Variants in OC90 observed in about 807,000 individuals in gnomAD.
The protein encoded by OC90 is otoconin 90.
A neutral mutation model predicts 47.3 loss-of-function variants in OC90; 46 were observed. The ratio of observed to expected loss-of-function variants is 0.97; its 90% CI spans 0.77 to 1.24. OC90 has a LOEUF of 1.24. Among genes scored for constraint, OC90 ranks in the 50% most tolerant of loss-of-function variants. The pLI is 0.00. For missense variants in OC90, 688 were observed against 583.9 expected, an observed-to-expected ratio of 1.18 and a Z score of -1.84; for synonymous variants, 271 against 219.5, an observed-to-expected ratio of 1.23 and a Z score of -2.07.
intron 9 of OC90, 27 bp downstream of exon 9, chr8:132,037,411 G>A (rs1822984721): frequency 6.4e-7 from 1 of 1,564,880 alleles, no homozygotes; most frequent in Non-Finnish European, 8.7e-7. Context: ...GTGTCTTTGG[G>A]TTCCACACTA....
chr8:132,041,751 G>A, intron 4 of OC90, 52 bp from the exon 5 acceptor site: 1 of 1,148,024 alleles, frequency 8.7e-7, no homozygotes, highest in East Asian at 2.4e-5. Flanking sequence ...AGGACTAGGA[G>A]GGCGTCCCTG....
At position 132,034,837 on chromosome 8, in the gene OC90, G is replaced by A. The variant is rs768486160; in HGVS notation, c.680-3C>T. On this transcript the variant is annotated splice_polypyrimidine_tract_variant and splice_region_variant and intron_variant, in intron 9 of 13. Coordinates refer to ENST00000254627, the MANE Select transcript of OC90 (RefSeq NM_001080399.3). Reference sequence around the variant, plus strand: ...TCCTTCCTGATCGTGGCCTGCTTCTGTTCCCCAAAGAAGAGAGACAGCATG... The same window carrying A: ...TCCTTCCTGATCGTGGCCTGCTTCTATTCCCCAAAGAAGAGAGACAGCATG... 1.2e-6 allele frequency: 2 copies of A among 1,611,638 alleles called. No homozygotes were observed. The highest frequency in any genetic ancestry group is 1.7e-5 in the Admixed American group (1 of 59,926).
chr8:132,048,689 A>G (rs940517630), intron 2 of OC90, among the ~76,000 whole-genome samples: 3 of 151,516 alleles, frequency 2.0e-5, no homozygotes, highest in Admixed American at 2.0e-4. Context: ...TTTTATCTGG[A>G]AAGTCTTAAG....
intron 1 of OC90, among the ~76,000 whole-genome samples, chr8:132,059,054 C>T (rs1338107496): frequency 1.3e-5 from 2 of 150,412 alleles, no homozygotes; most frequent in Admixed American, 6.8e-5. Context: ...CCCTCTCTCC[C>T]TCCCTCCCTT....
intron 2 of OC90, among the ~76,000 whole-genome samples, chr8:132,048,410 T>C (rs1211880615): frequency 0.01 from 1,549 of 149,948 alleles, 67 homozygotes; most frequent in African/African-American, 0.037. Flanking sequence ...TTTGGGATGG[T>C]TGGAGTATGG....
At chr8:132,025,121 G>A (rs1822737339) in intron 13 of OC90, among the ~76,000 whole-genome samples, 1 of 152,186 alleles carries the variant, frequency 6.6e-6, no homozygotes, top group African/African-American at 2.4e-5. Context: ...CAGGTTATGT[G>A]TTAATCACAT....
rs1822901342 is a variant in OC90, at chr8:132,033,100, A to G, written c.798T>C (p.Ile266=). Residue 266 remains isoleucine (I), a synonymous_variant, in exon 11 of 14, where the codon ATT becomes ATC. Coordinates refer to ENST00000254627, the MANE Select transcript of OC90 (RefSeq NM_001080399.3). The stretch of plus-strand genomic sequence containing the variant: ...ATGACACTGCCAGCCCCAGAGATTT[A>G]ATGCCAGCAGGGACAAGGGTTACAA... ...AKIVTLVPAG[I]KSLGLAVSSV... 2 of 1,609,926 alleles carry G rather than the reference A, an allele frequency of 1.2e-6. No homozygotes were observed. Among genetic ancestry groups the G allele is most frequent in the East Asian group, 4.5e-5 (2 of 44,784 alleles).
chr8:132,052,348 A>G (rs895519677), intron 2 of OC90, among the ~76,000 whole-genome samples: 1 of 152,220 alleles, frequency 6.6e-6, no homozygotes, highest in Non-Finnish European at 1.5e-5. Flanking sequence ...GAAATTAATC[A>G]GCGTAATAAC....
At chr8:132,028,114 CTGCTCG>C (rs1259126095) in intron 13 of OC90, among the ~76,000 whole-genome samples, 1 of 152,154 alleles carries the variant, frequency 6.6e-6, no homozygotes, top group Non-Finnish European at 1.5e-5. Context: ...TAGTCCCAGC[CTGCTCG>C]TCACCGGCCC....
At chr8:132,039,211 TCCCC>T in intron 6 of OC90, 88 bp from the exon 7 acceptor site, 1 of 1,410,428 alleles carries the variant, frequency 7.1e-7, no homozygotes, top group Admixed American at 2.0e-5. Flanking sequence ...GTTCCTCATC[TCCCC>T]TGCCAAAAAT....
intron 8 of OC90, among the ~76,000 whole-genome samples, chr8:132,037,989 C>A (rs954095998): frequency 6.6e-6 from 1 of 152,192 alleles, no homozygotes; most frequent in Admixed American, 6.5e-5. Context: ...CACACATACA[C>A]CTGCTTTCTC....
intron 9 of OC90, among the ~76,000 whole-genome samples, chr8:132,035,361 G>C (rs1399526732): frequency 1.3e-5 from 2 of 152,152 alleles, no homozygotes; most frequent in Non-Finnish European, 2.9e-5. Flanking sequence ...CCTTGAGTTG[G>C]TTCTATGCTC....
At chr8:132,034,894 T>C in intron 9 of OC90, 60 bp from the exon 10 acceptor site, 1 of 1,303,726 alleles carries the variant, frequency 7.7e-7, no homozygotes, top group South Asian at 1.2e-5. Flanking sequence ...CACCTGGGTT[T>C]CCAGAGGCTC....
At chr8:132,052,751 A>T (rs1237406367) in intron 2 of OC90, among the ~76,000 whole-genome samples, 1 of 152,226 alleles carries the variant, frequency 6.6e-6, no homozygotes, top group East Asian at 1.9e-4. Context: ...TGTTACACAC[A>T]GAAGGTGATG....
intron 10 of OC90, among the ~76,000 whole-genome samples, chr8:132,034,413 G>A (rs2130854247): frequency 6.6e-6 from 1 of 152,304 alleles, no homozygotes; most frequent in African/African-American, 2.4e-5. Context: ...ATCTAATCCA[G>A]GATTAAGACT....
In OC90 at chr8:132,028,978, G is replaced by A. The variant is rs111330582; in HGVS notation, c.1138+95C>T. ...AAGAAGAAAAGAGTATTAAGTCACA[G>A]TTAAGTGCTTGGGAAACCATCCACA... On this transcript the variant is annotated intron_variant, in intron 13 of 13. Coordinates refer to ENST00000254627, the MANE Select transcript of OC90 (RefSeq NM_001080399.3). 4.0e-5 allele frequency: 33 copies of A among 833,642 alleles called. No individual in the cohort carries two copies. The African/African-American group carries it at 5.0e-4, about 13-fold the overall frequency. The allele number at this position is 833,642 out of a possible 1,614,324, so 51.6% of individuals were successfully genotyped here. A position where few individuals can be genotyped will look rare whatever the true frequency, so the allele number is the denominator to read the frequency against.
Position 132,032,050 on chromosome 8 carries a change from A to C in OC90, c.862T>G (p.Cys288Gly), listed in dbSNP as rs747387066. ...AGGTGCAGGAAGGTGAATCTGTCAC[A>C]GGCTGAAAGGAACAGGAATTGTCAG... Reference protein sequence around the residue: ...NDPEETTEKACDRFTFLHLGS... With the variant: ...NDPEETTEKAGDRFTFLHLGS... Residue 288 changes from cysteine to glycine, a missense_variant and splice_region_variant, in exon 12 of 14, where the codon TGT becomes GGT. Cys to Gly is a radical substitution (Grantham distance 159). Coordinates refer to ENST00000254627, the MANE Select transcript of OC90 (RefSeq NM_001080399.3). 6.2e-7 allele frequency: 1 copy of C among 1,613,520 alleles called. No homozygotes were observed. Among genetic ancestry groups the C allele is most frequent in the African/African-American group, 1.3e-5 (1 of 75,054 alleles).
At position 132,054,172 on chromosome 8, in the gene OC90, A is replaced by C. The variant is rs72715326; in HGVS notation, c.46+809T>G. On this transcript the variant is annotated intron_variant, in intron 2 of 13. Coordinates refer to ENST00000254627, the MANE Select transcript of OC90 (RefSeq NM_001080399.3). ...CCTCGTCCCCTTCATGCCTGCTCCT[A>C]GCCAATGTCCCAGGGCATGTAGGTA... 4.0e-3 allele frequency among the ~76,000 whole-genome samples: 611 copies of C among 152,272 alleles called. 2 individuals carry two copies. Among genetic ancestry groups the C allele is most frequent in the Non-Finnish European group, 7.5e-3 (510 of 68,004 alleles).
At chr8:132,057,155 A>G (rs1290988020) in intron 1 of OC90, among the ~76,000 whole-genome samples, 1 of 152,330 alleles carries the variant, frequency 6.6e-6, no homozygotes, top group East Asian at 1.9e-4. Context: ...TAAGAATTAC[A>G]ATGATGGCAT....
Sources: gnomAD v4.1 joint callset for allele counts (sites outside exome capture counted in the v4.1 genomes callset) on GRCh38, gnomAD v4.1.1 for gene constraint, MANE v1.5 for transcripts, NCBI Gene and HGNC (gene_info 2026-07-23, HGNC 2026-07-21) for gene names.